The following DISC1 variants were observed in gnomAD, a reference collection of about 807,000 sequenced individuals.
DISC1 encodes disrupted in schizophrenia 1 protein.
A neutral mutation model predicts 84.5 loss-of-function variants in DISC1; 57 were observed. That is an observed-to-expected ratio of 0.67 (90% CI 0.55 to 0.84). The LOEUF (loss-of-function observed/expected upper bound fraction) is 0.84, where lower values mean the gene tolerates loss of function less well. Among genes scored for constraint, DISC1 ranks in the 40% least tolerant of loss-of-function variants. The pLI is 0.00. For synonymous variants in DISC1, 411 were observed against 415.2 expected, an observed-to-expected ratio of 0.99 and a Z score of 0.12; for missense variants, 1,000 against 1,057.8, an observed-to-expected ratio of 0.95 and a Z score of 0.76.
chr1:231,690,461 C>G (rs978902913), intron 1 of DISC1, among the ~76,000 whole-genome samples: 4 of 152,196 alleles, frequency 2.6e-5, no homozygotes, highest in African/African-American at 9.7e-5. Flanking sequence ...TGGGCTTTTT[C>G]TTCACCTTGC....
intron 4 of DISC1, among the ~76,000 whole-genome samples, chr1:231,758,042 G>T (rs1349409711): frequency 6.6e-6 from 1 of 151,826 alleles, no homozygotes; most frequent in Non-Finnish European, 1.5e-5. Context: ...GCCTCTTAGG[G>T]AACAGTTCTG....
chr1:231,972,074 T>C (rs1662045343), intron 10 of DISC1, among the ~76,000 whole-genome samples: 1 of 151,994 alleles, frequency 6.6e-6, no homozygotes, highest in South Asian at 2.1e-4. Flanking sequence ...AGAGCGGTAA[T>C]TACGCTGCCC....
intron 11 of DISC1, among the ~76,000 whole-genome samples, chr1:232,021,460 G>C (rs1287264380): frequency 6.6e-6 from 1 of 152,120 alleles, no homozygotes; most frequent in East Asian, 1.9e-4. Flanking sequence ...CAGTGGCAGT[G>C]GTCACTTGTT....
rs2065935784 is a variant in DISC1, at chr1:231,698,045, AT to A, written c.1047+3242del. 6.6e-6 allele frequency among the ~76,000 whole-genome samples: 1 copy of A among 152,174 alleles called. No individual in the cohort carries two copies. Among genetic ancestry groups the A allele is most frequent in the African/African-American group, 2.4e-5 (1 of 41,456 alleles). ...AAGATACAGGTGCTCCAGAAACTTT[AT>A]TCAGGCATGAGTTAGAGTGCTGTTG... On this transcript the variant is annotated intron_variant, in intron 2 of 12. Coordinates refer to ENST00000439617, the MANE Select transcript of DISC1 (RefSeq NM_018662.3). The surrounding 1 kb of genome is among the most constrained non-coding windows in gnomAD (Gnocchi z 4.9).
intron 9 of DISC1, among the ~76,000 whole-genome samples, chr1:231,914,123 GCA>G (rs2089450531): frequency 6.6e-6 from 1 of 152,218 alleles, no homozygotes; most frequent in Non-Finnish European, 1.5e-5. Context: ...CCCATCCCTA[GCA>G]CAGTTTGCCG....
intron 7 of DISC1, among the ~76,000 whole-genome samples, chr1:231,798,430 G>T (rs1407036344): frequency 1.3e-5 from 2 of 152,114 alleles, no homozygotes; most frequent in Non-Finnish European, 2.9e-5. Context: ...CTCAACAAAG[G>T]AGAAACTGAC....
chr1:231,996,203 G>A (rs1323132169), intron 10 of DISC1, among the ~76,000 whole-genome samples: 1 of 151,968 alleles, frequency 6.6e-6, no homozygotes, highest in Non-Finnish European at 1.5e-5. Flanking sequence ...TTTTTTTCTT[G>A]TAAATTTGTT....
chr1:231,656,702 G>A (rs560560742), intron 1 of DISC1, among the ~76,000 whole-genome samples: 4 of 152,152 alleles, frequency 2.6e-5, no homozygotes, highest in Non-Finnish European at 4.4e-5. Context: ...GTGCCATGGT[G>A]GTTTGCTGCA....
At chr1:232,004,945 T>TTTCC (rs148052574) in intron 10 of DISC1, among the ~76,000 whole-genome samples, 4,828 of 68,874 alleles carry the variant, frequency 0.07, 326 homozygotes, top group African/African-American at 0.18. Flanking sequence ...TCCTTCTTCC[T>TTTCC]TTCCTTCCTT....
At chr1:231,899,774 A>C (rs2088001635) in intron 9 of DISC1, among the ~76,000 whole-genome samples, 1 of 152,188 alleles carries the variant, frequency 6.6e-6, no homozygotes, top group Non-Finnish European at 1.5e-5. Flanking sequence ...TAATCCAGTA[A>C]TTGCAATAAA....
chr1:231,862,155 T>A (rs2084715979), intron 9 of DISC1, among the ~76,000 whole-genome samples: 1 of 152,230 alleles, frequency 6.6e-6, no homozygotes, highest in Non-Finnish European at 1.5e-5. Context: ...TTATCATCGT[T>A]TTATTTCATT....
At chr1:231,884,922 G>T (rs888927162) in intron 9 of DISC1, among the ~76,000 whole-genome samples, 1 of 152,114 alleles carries the variant, frequency 6.6e-6, no homozygotes, top group Non-Finnish European at 1.5e-5. Flanking sequence ...TATAAGGAGA[G>T]GCTTTCCTTT....
intron 4 of DISC1, among the ~76,000 whole-genome samples, chr1:231,750,942 C>T (rs1425985879): frequency 2.6e-5 from 4 of 152,236 alleles, no homozygotes; most frequent in Admixed American, 1.3e-4. Flanking sequence ...ATTAAGTGTA[C>T]ATGGCATTAT....
intron 6 of DISC1, among the ~76,000 whole-genome samples, chr1:231,788,835 C>T (rs1364301640): frequency 2.6e-5 from 4 of 152,128 alleles, no homozygotes; most frequent in Admixed American, 6.5e-5. Context: ...TGGAGCCGCT[C>T]CCCATCCTGT....
chr1:231,787,255 A>G (rs1447161813), intron 6 of DISC1, among the ~76,000 whole-genome samples: 1 of 152,128 alleles, frequency 6.6e-6, no homozygotes, highest in African/African-American at 2.4e-5. Context: ...AGACTGAGTA[A>G]TTTATAAAGA....
chr1:231,825,447 A>C (rs2125793580), intron 9 of DISC1, among the ~76,000 whole-genome samples: 1 of 152,208 alleles, frequency 6.6e-6, no homozygotes, highest in Non-Finnish European at 1.5e-5. Context: ...TTTCATATGG[A>C]CTCTGGGCTT....
intron 11 of DISC1, among the ~76,000 whole-genome samples, chr1:232,026,148 T>G (rs1023249831): frequency 1.7e-4 from 26 of 152,188 alleles, no homozygotes; most frequent in African/African-American, 6.3e-4. Context: ...GATTCAGGGT[T>G]TCTGTTTGAT....
chr1:231,665,526 A>G (rs2061948450), intron 1 of DISC1, among the ~76,000 whole-genome samples: 1 of 152,262 alleles, frequency 6.6e-6, no homozygotes, highest in Non-Finnish European at 1.5e-5. Context: ...CAGACAATGT[A>G]AACTTACAAT....
chr1:231,760,423 A>ACCAAGAGGAC (rs2075555282), intron 4 of DISC1, among the ~76,000 whole-genome samples: 1 of 152,184 alleles, frequency 6.6e-6, no homozygotes, highest in African/African-American at 2.4e-5. Flanking sequence ...TAGGATAGTC[A>ACCAAGAGGAC]TCAGTAGGGA....
Sources: gnomAD v4.1 joint callset for allele counts (sites outside exome capture counted in the v4.1 genomes callset) on GRCh38, gnomAD v4.1.1 for gene constraint, Gnocchi (gnomAD v3.1) non-coding constraint, MANE v1.5 for transcripts, NCBI Gene and HGNC (gene_info 2026-07-23, HGNC 2026-07-21) for gene names.